Variants in SAMD11 observed in about 807,000 individuals in gnomAD.
SAMD11 encodes sterile alpha motif domain-containing protein 11.
Under a neutral mutation model 64.4 loss-of-function variants are expected in SAMD11, and 77 were observed. That is an observed-to-expected ratio of 1.20 (90% CI 0.99 to 1.44). The LOEUF is 1.44. Among genes scored for constraint, SAMD11 ranks in the 40% most tolerant of loss-of-function variants. The probability of loss-of-function intolerance (pLI) is 0.00; values close to 1 mark genes in which losing one functional copy is unlikely to be tolerated. For synonymous variants in SAMD11, 658 were observed against 421.9 expected (o/e 1.56, Z -6.86); for missense variants, 1,402 against 943.3 (o/e 1.49, Z -6.37).
Position 939,142 on chromosome 1 carries a change from C to T in SAMD11, c.1057+13C>T. On this transcript the variant is annotated intron_variant, in intron 6 of 13. Transcript: ENST00000616016. Reference sequence around the variant, plus strand: ...GAATCGCCTCAAGGTAAGAGCGTGGCTGGGACGAGAGACAGGTCACCAGGG... The same window carrying T: ...GAATCGCCTCAAGGTAAGAGCGTGGTTGGGACGAGAGACAGGTCACCAGGG... 6.4e-7 allele frequency: 1 copy of T among 1,573,918 alleles called. No individual in the cohort carries two copies. Among genetic ancestry groups the T allele is most frequent in the Non-Finnish European group, 8.6e-7 (1 of 1,158,952 alleles).
At position 924,148 on chromosome 1, in the gene SAMD11, C is replaced by A. The variant is rs1468194428; in HGVS notation, c.-284C>A. 2.0e-5 allele frequency: 3 copies of A among 149,598 alleles called. No individual in the cohort carries two copies. Among genetic ancestry groups the A allele is most frequent in the South Asian group, 4.1e-4 (2 of 4,834 alleles). 9.3% of individuals were successfully genotyped at this position (149,598 alleles called of 1,614,324 possible). A position where few individuals can be genotyped will look rare whatever the true frequency, so the allele number is the denominator to read the frequency against. ...GGCCGGGGCGCGGGACTCCAGACGC[C>A]CCGGGGAGCCCCGAGGCCCTGGAAC... On this transcript the variant is annotated 5_prime_UTR_variant, in exon 1 of 14. Transcript: ENST00000616016.
At position 943,033 on chromosome 1, in the gene SAMD11, T is replaced by C. The variant is rs370602457; in HGVS notation, c.2028T>C (p.Tyr676=). 23 of 1,532,116 alleles carry C rather than the reference T, an allele frequency of 1.5e-5. No homozygotes were observed. In the African/African-American group the frequency reaches 2.8e-4, roughly 19 times the overall value. 94.9% of individuals were successfully genotyped at this position (1,532,116 alleles called of 1,614,324 possible). ...CCACACTGCCCCTGGGCTTCCCTTA[T>C]GCCGTCAGCCCCTACTTCCACACAG... ...PGSTLPLGFP[Y]AVSPYFHTGA... The change falls in exon 11 of 14, where the codon TAT becomes TAC. Residue 676 remains tyrosine (Y), a synonymous_variant. Transcript: ENST00000616016.
At chr1:941,776 C>T (rs973024886) in intron 8 of SAMD11, among the ~76,000 whole-genome samples, 3 of 152,126 alleles carry the variant, frequency 2.0e-5, no homozygotes, top group African/African-American at 7.2e-5. Flanking sequence ...CGAGTCCCTG[C>T]CCGGCCGCTG....
chr1:941,904 G>A (rs1014649432), intron 8 of SAMD11, among the ~76,000 whole-genome samples: 5 of 152,178 alleles, frequency 3.3e-5, no homozygotes, highest in Non-Finnish European at 7.4e-5. Context: ...GCCCCGCGCA[G>A]TAATTACCGC....
At chr1:928,655 C>T (rs908495582) in intron 2 of SAMD11, among the ~76,000 whole-genome samples, 1 of 152,390 alleles carries the variant, frequency 6.6e-6, no homozygotes, top group Middle Eastern at 3.4e-3. Flanking sequence ...GTCTCAGCCT[C>T]GGACCCCAGG....
intron 8 of SAMD11, 99 bp downstream of exon 8, chr1:941,405 T>G: frequency 1.6e-6 from 2 of 1,220,286 alleles, no homozygotes; most frequent in South Asian, 3.1e-5. Flanking sequence ...CCAAGCACTG[T>G]GTTCAGCTCT....
chr1:925,612 C>T lies in SAMD11; in HGVS notation c.518-310C>T, dbSNP rs1410971104. 2.2e-5 allele frequency: 6 copies of T among 271,518 alleles called. No homozygotes were observed. In the East Asian group the frequency reaches 3.8e-4, roughly 17 times the overall value. 16.8% of individuals were successfully genotyped at this position (271,518 alleles called of 1,614,324 possible). Reference sequence around the variant, plus strand: ...CTCACCGCTCCGGGACTCAGCCTTTCTGGGCCCGGCCTGCGGTTCCCTCGG... The same window carrying T: ...CTCACCGCTCCGGGACTCAGCCTTTTTGGGCCCGGCCTGCGGTTCCCTCGG... On this transcript the variant is annotated intron_variant, in intron 1 of 13. Coordinates refer to ENST00000616016, the MANE Select transcript of SAMD11 (RefSeq NM_001385641.1).
chr1:926,222 C>T (rs984264831), intron 2 of SAMD11, among the ~76,000 whole-genome samples: 3 of 151,966 alleles, frequency 2.0e-5, no homozygotes, highest in African/African-American at 7.3e-5. Flanking sequence ...GGCACCCGAG[C>T]GCCCTCCCCG....
In SAMD11 at chr1:938,536, C is replaced by T. The variant is rs188473334; in HGVS notation, c.968-504C>T. Among the ~76,000 whole-genome samples, 387 of 152,198 alleles carry T rather than the reference C, an allele frequency of 2.5e-3. 1 individual carries two copies. The highest frequency in any genetic ancestry group is 3.9e-3 in the Admixed American group (60 of 15,294). ...CAAGTAGGAGGCCTGGGAGTGGAGG[C>T]GCCTCGAGGCGGCCTGGGGGGCCCA... On this transcript the variant is annotated intron_variant, in intron 5 of 13. Coordinates refer to ENST00000616016, the MANE Select transcript of SAMD11 (RefSeq NM_001385641.1).
At position 930,222 on chromosome 1, in the gene SAMD11, G is replaced by A. The variant is rs765161807; in HGVS notation, c.677G>A (p.Arg226Gln). ...LPAARNLKKE[R>Q]TPSFSASDGD... ...GCCGCCCGGAACCTGAAGAAGGAGCGAACTCCCAGCTTCTCTGCCAGCGAT... is the reference window on the plus strand; with the variant it reads ...GCCGCCCGGAACCTGAAGAAGGAGCAAACTCCCAGCTTCTCTGCCAGCGAT... Residue 226 changes from arginine (R) to glutamine (Q), a missense_variant, in exon 3 of 14, where the codon CGA becomes CAA. Coordinates refer to ENST00000616016, the MANE Select transcript of SAMD11 (RefSeq NM_001385641.1). 13 of 1,588,718 alleles carry A rather than the reference G, an allele frequency of 8.2e-6. No homozygotes were observed. The highest frequency in any genetic ancestry group is 2.3e-5 in the East Asian group (1 of 43,714).
At position 939,381 on chromosome 1, in the gene SAMD11, G is replaced by A. The variant is rs1641626346; in HGVS notation, c.1164G>A (p.Gln388=). 1 of 1,612,578 alleles carries A rather than the reference G, an allele frequency of 6.2e-7. No homozygotes were observed. ...LSEASTFEDP[Q]RLYHLGLPSH... ...AGGCCAGCACCTTTGAGGACCCTCAGCGCCTCTACCACCTGGGCCTCCCCA... is the reference window on the plus strand; with the variant it reads ...AGGCCAGCACCTTTGAGGACCCTCAACGCCTCTACCACCTGGGCCTCCCCA... Residue 388 remains glutamine, a synonymous_variant, in exon 7 of 14, where the codon CAG becomes CAA. Coordinates refer to ENST00000616016, the MANE Select transcript of SAMD11 (RefSeq NM_001385641.1).
chr1:939,477 G>A, intron 7 of SAMD11, 65 bp downstream of exon 7: 1 of 1,556,312 alleles, frequency 6.4e-7, no homozygotes, highest in East Asian at 2.3e-5. Context: ...ACCCACCCTG[G>A]CATGATCTCC....
At position 930,934 on chromosome 1, in the gene SAMD11, C is replaced by T. The variant is rs529810100; in HGVS notation, c.792-105C>T. 35 of 1,129,944 alleles carry T rather than the reference C, an allele frequency of 3.1e-5. No individual in the cohort carries two copies. The South Asian group carries it at 4.3e-4, about 14-fold the overall frequency. The allele number at this position is 1,129,944 out of a possible 1,614,324, so 70.0% of individuals were successfully genotyped here. On this transcript the variant is annotated intron_variant, in intron 3 of 13. Transcript: ENST00000616016. ...CTCGTTCACTGCCCAGGGCTGTGGCCCAGCGGGGCACTGACCCGAGACAGG... is the reference window on the plus strand; with the variant it reads ...CTCGTTCACTGCCCAGGGCTGTGGCTCAGCGGGGCACTGACCCGAGACAGG...
Position 943,799 on chromosome 1 carries a change from C to T in SAMD11, c.2280C>T (p.Ile760=), listed in dbSNP as rs1044227669. The part of the protein sequence containing the change: ...MGLKLGPALK[I]RAQVARRLGR... ...TGAAGCTGGGGCCCGCCCTCAAGAT[C>T]CGGGCCCAGGTGAGACGCTGGGGAG... The change falls in exon 13 of 14, where the codon ATC becomes ATT. Residue 760 remains isoleucine, a synonymous_variant. Coordinates refer to ENST00000616016, the MANE Select transcript of SAMD11 (RefSeq NM_001385641.1). 1 of 1,612,722 alleles carries T rather than the reference C, an allele frequency of 6.2e-7. No homozygotes were observed. Among genetic ancestry groups the T allele is most frequent in the African/African-American group, 1.3e-5 (1 of 74,902 alleles).
In SAMD11 at chr1:926,106, A is replaced by C. The variant is rs1343652452; in HGVS notation, c.609+93A>C. On this transcript the variant is annotated intron_variant, in intron 2 of 13. Transcript: ENST00000616016. The stretch of plus-strand genomic sequence containing the variant: ...AGGGTTTTCAGGATCGAGAGTCCTA[A>C]CCTCACCCCTGCGGGTGTGCTGGAG... 4.1e-6 allele frequency: 5 copies of C among 1,234,484 alleles called. No individual in the cohort carries two copies. The African/African-American group carries it at 7.4e-5, about 18-fold the overall frequency. 76.5% of individuals were successfully genotyped at this position (1,234,484 alleles called of 1,614,324 possible).
chr1:936,695 G>A (rs569707321), intron 5 of SAMD11, among the ~76,000 whole-genome samples: 53 of 152,220 alleles, frequency 3.5e-4, no homozygotes, highest in African/African-American at 1.2e-3. Flanking sequence ...GGGTGGGGGA[G>A]GCCCACCCCC....
At chr1:941,787 A>G (rs1641784054) in intron 8 of SAMD11, among the ~76,000 whole-genome samples, 1 of 151,916 alleles carries the variant, frequency 6.6e-6, no homozygotes, top group Non-Finnish European at 1.5e-5. Flanking sequence ...CCGGCCGCTG[A>G]GCCCGGCGTC....
chr1:941,115 G>A, intron 7 of SAMD11, 29 bp from the exon 8 acceptor site: 2 of 1,569,416 alleles, frequency 1.3e-6, no homozygotes, highest in South Asian at 2.3e-5. Context: ...GCATAGCCGG[G>A]GGGATCACTG....
chr1:939,227 C>G (rs527898125), intron 6 of SAMD11, 48 bp from the exon 7 acceptor site: 1 of 1,556,840 alleles, frequency 6.4e-7, no homozygotes, highest in Non-Finnish European at 8.7e-7. Context: ...GGGGCGTGGT[C>G]CTCGGCAGTG....
Sources: gnomAD v4.1 joint callset for allele counts (sites outside exome capture counted in the v4.1 genomes callset) on GRCh38, gnomAD v4.1.1 for gene constraint, MANE v1.5 for transcripts, NCBI Gene and HGNC (gene_info 2026-07-23, HGNC 2026-07-21) for gene names.